NLRP10: variants seen among roughly 807,000 people sequenced by gnomAD.
The protein encoded by NLRP10 is NLR family pyrin domain containing 10, also known as NACHT, LRR and PYD domains-containing protein 10.
A neutral mutation model predicts 8.2 loss-of-function variants in NLRP10; 7 were observed. The ratio of observed to expected loss-of-function variants is 0.85; its 90% CI spans 0.48 to 1.60. NLRP10 has a LOEUF of 1.60. Among genes scored for constraint, NLRP10 ranks in the 40% most tolerant of loss-of-function variants. The pLI is 0.00. For synonymous variants in NLRP10, 338 were observed against 314.0 expected, an observed-to-expected ratio of 1.08 and a Z score of -0.81; for missense variants, 814 against 776.3, an observed-to-expected ratio of 1.05 and a Z score of -0.58.
intron 1 of NLRP10, among the ~76,000 whole-genome samples, chr11:7,964,475 G>T (rs1278265914): frequency 6.6e-6 from 1 of 152,214 alleles, no homozygotes; most frequent in Non-Finnish European, 1.5e-5. Flanking sequence ...CTGACTTTGT[G>T]CCAGGTGATT....
At position 7,958,148 on chromosome 11, in the gene NLRP10, T is replaced by A. The variant is rs1941651080; in HGVS notation, c.*1496A>T. On this transcript the variant is annotated 3_prime_UTR_variant, in exon 3 of 3. Coordinates refer to ENST00000691676, the MANE Select transcript of NLRP10 (RefSeq NM_001391958.1). ...AGGACATCTTGGTTGCTTCCAAATT[T>A]GGGCAATTACGAATAAAGCTGCTAT... Among the ~76,000 whole-genome samples, 1 of 152,204 alleles carries A rather than the reference T, an allele frequency of 6.6e-6. No individual in the cohort carries two copies. Among genetic ancestry groups the A allele is most frequent in the Non-Finnish European group, 1.5e-5 (1 of 68,028 alleles).
intron 1 of NLRP10, among the ~76,000 whole-genome samples, chr11:7,964,177 T>G (rs11041691): frequency 1.1e-3 from 174 of 152,274 alleles, no homozygotes; most frequent in Admixed American, 5.6e-3. Context: ...CCGCCTTGGC[T>G]TCCCAAAGTG....
At chr11:7,962,080 C>G (rs768082884) in intron 2 of NLRP10, among the ~76,000 whole-genome samples, 5 of 152,132 alleles carry the variant, frequency 3.3e-5, no homozygotes, top group Non-Finnish European at 7.4e-5. Context: ...TAACTGAAAG[C>G]TGCCTGAGGC....
rs1383879843 is a variant in NLRP10 at position 7,960,562 on chromosome 11, C to T, written c.1050G>A (p.Ala350=). 6 of 1,614,088 alleles carry T rather than the reference C, an allele frequency of 3.7e-6. No homozygotes were observed. Among genetic ancestry groups the T allele is most frequent in the East Asian group, 2.2e-5 (1 of 44,898 alleles). ...IVQKNDILYK[A]CQVPGICWVV... ...CCCAGCAAATGCCTGGAACCTGACA[C>T]GCTTTGTAGAGAATGTCATTTTTCT... The change falls in exon 3 of 3, where the codon GCG becomes GCA. Residue 350 remains alanine (A), a synonymous_variant. Transcript: ENST00000691676.
chr11:7,961,338 G>T lies in NLRP10; in HGVS notation c.290-16C>A. On this transcript the variant is annotated splice_polypyrimidine_tract_variant and intron_variant, in intron 2 of 2. Transcript: ENST00000691676. ...TCTCTGTAATCTGAGCCAAACAAAT[G>T]GGATGTTAGGTAGTGAAATGGGAAT... 1 of 1,495,924 alleles carries T rather than the reference G, an allele frequency of 6.7e-7. No homozygotes were observed. The highest frequency in any genetic ancestry group is 9.0e-7 in the Non-Finnish European group (1 of 1,106,604). 92.7% of individuals were successfully genotyped at this position (1,495,924 alleles called of 1,614,324 possible).
intron 2 of NLRP10, among the ~76,000 whole-genome samples, chr11:7,961,988 T>TA (rs75246999): frequency 0.37 from 55,652 of 151,760 alleles, 10,421 homozygotes; most frequent in African/African-American, 0.42. Flanking sequence ...GCTGGTTGTT[T>TA]AAAGAGCCTG....
At position 7,960,866 on chromosome 11, in the gene NLRP10, T is replaced by C; in HGVS notation, c.746A>G (p.Asp249Gly). 6.2e-7 allele frequency: 1 copy of C among 1,614,060 alleles called. No homozygotes were observed. The highest frequency in any genetic ancestry group is 8.5e-7 in the Non-Finnish European group (1 of 1,180,018). The change falls in exon 3 of 3, where the codon GAT becomes GGT. Residue 249 changes from aspartate (D) to glycine (G), a missense_variant. By Grantham distance (94) the Asp-to-Gly change is moderately conservative (BLOSUM62 -1). Coordinates refer to ENST00000691676, the MANE Select transcript of NLRP10 (RefSeq NM_001391958.1). ...GGGCCTCTGCAGCTCATCAAAGCCA[T>C]CCAGGATGAACAGGAGCCGCTCTGG... is the stretch of plus-strand genomic sequence containing the variant. ...RQPERLLFIL[D>G]GFDELQRPFE...
At chr11:7,964,494 C>T (rs1027811605) in intron 1 of NLRP10, among the ~76,000 whole-genome samples, 1 of 152,188 alleles carries the variant, frequency 6.6e-6, no homozygotes, top group Non-Finnish European at 1.5e-5. Context: ...TTTACATATC[C>T]TTTTTGATCA....
At position 7,960,079 on chromosome 11, in the gene NLRP10, G is replaced by A. The variant is rs1316378399; in HGVS notation, c.1533C>T (p.Thr511=). The A allele has an allele frequency of 1.9e-6, 3 of 1,613,916 alleles. No homozygotes were observed. Among genetic ancestry groups the A allele is most frequent in the Non-Finnish European group, 8.5e-7 (1 of 1,179,986 alleles). Residue 511 remains threonine (T), a synonymous_variant, in exon 3 of 3, where the codon ACC becomes ACT. Transcript: ENST00000691676. ...VKEQEGNDEM[T]LTMQFLLDIS... ...TGTCCAGTAAAAACTGCATAGTGAG[G>A]GTCATCTCATCATTCCCTTCCTGCT... is the stretch of plus-strand genomic sequence containing the variant.
chr11:7,963,498 T>C lies in NLRP10; in HGVS notation c.-3A>G, dbSNP rs1170972553. The C allele has an allele frequency of 6.2e-7, 1 of 1,607,482 alleles. No homozygotes were observed. Among genetic ancestry groups the C allele is most frequent in the Non-Finnish European group, 8.5e-7 (1 of 1,176,284 alleles). On this transcript the variant is annotated 5_prime_UTR_variant, in exon 2 of 3. Transcript: ENST00000691676. ...TTTCTGGCCTTGGCCATGGCCATGG[T>C]GATCTGGGGGAAGGATCAAGTCCAG...
rs72847404 is a variant in NLRP10, at chr11:7,957,564, T to C, written c.*2080A>G. On this transcript the variant is annotated 3_prime_UTR_variant, in exon 3 of 3. Coordinates refer to ENST00000691676, the MANE Select transcript of NLRP10 (RefSeq NM_001391958.1). ...TATTAAATATGCACAGTTTATTGTA[T>C]TAAACTAATTATACTTCAATAAAAC... Among the ~76,000 whole-genome samples the C allele has an allele frequency of 7.3e-3, 1,117 of 152,284 alleles. 23 individuals are homozygous for C. In the South Asian group the frequency reaches 0.078, roughly 11 times the overall value.
chr11:7,963,185 C>T (rs1193502066), intron 2 of NLRP10, 22 bp downstream of exon 2: 50 of 1,607,024 alleles, frequency 3.1e-5, no homozygotes, highest in Non-Finnish European at 4.3e-5. Context: ...CCTGCCCTCC[C>T]CTTCCCCCGC....
chr11:7,963,583 C>A (rs972982963), intron 1 of NLRP10, 43 bp from the exon 2 acceptor site: 3 of 1,261,228 alleles, frequency 2.4e-6, no homozygotes, highest in Non-Finnish European at 3.3e-6. Flanking sequence ...CTGAGAGGCC[C>A]ACCCTGCTTT....
chr11:7,963,228 G>A lies in NLRP10; in HGVS notation c.268C>T (p.Leu90Phe). The change falls in exon 2 of 3, where the codon CTC becomes TTC. Residue 90 changes from leucine (L) to phenylalanine (F), a missense_variant. Coordinates refer to ENST00000691676, the MANE Select transcript of NLRP10 (RefSeq NM_001391958.1). ...TCACCATGCAGACAAATATGGCTGA[G>A]CTGGTCCACAAGTTCCAACAGGTTC... ...VMNLLELVDQ[L>F]SHICLHDYRE... is the part of the protein sequence containing the mutation. The A allele has an allele frequency of 6.2e-7, 1 of 1,614,160 alleles. No individual in the cohort carries two copies. The highest frequency in any genetic ancestry group is 1.1e-5 in the South Asian group (1 of 91,082).
At chr11:7,961,527 G>A (rs1360855061) in intron 2 of NLRP10, among the ~76,000 whole-genome samples, 1 of 152,196 alleles carries the variant, frequency 6.6e-6, no homozygotes, top group Non-Finnish European at 1.5e-5. Context: ...ATGCACATCT[G>A]TATGAGTGTG....
rs1462975113 is a variant in NLRP10 at position 7,958,073 on chromosome 11, C to T, written c.*1571G>A. On this transcript the variant is annotated 3_prime_UTR_variant, in exon 3 of 3. Transcript: ENST00000691676. ...GCTCATTTATTTTTATCACTGAATA[C>T]TATTACATTATGTGGATGTATCACA... Among the ~76,000 whole-genome samples the T allele has an allele frequency of 2.0e-5, 3 of 152,144 alleles. No individual in the cohort carries two copies. Among genetic ancestry groups the T allele is most frequent in the Non-Finnish European group, 4.4e-5 (3 of 68,030 alleles).
chr11:7,960,150 C>G lies in NLRP10; in HGVS notation c.1462G>C (p.Gly488Arg). Residue 488 changes from glycine to arginine, a missense_variant, in exon 3 of 3, where the codon GGG (glycine) becomes CGG (arginine). By Grantham distance (125) the Gly-to-Arg change is moderately radical. Transcript: ENST00000691676. ...TGCACTTCTCTGCGGGACTCCTTCC[C>G]CAGCCGGCTTTGGTCCTCTTTCACC... is the stretch of plus-strand genomic sequence containing the variant. Reference protein sequence around the residue: ...YLVKEDQSRLGKESRREVQRL... With the variant: ...YLVKEDQSRLRKESRREVQRL... 1 of 1,614,164 alleles carries G rather than the reference C, an allele frequency of 6.2e-7. No individual in the cohort carries two copies. The highest frequency in any genetic ancestry group is 8.5e-7 in the Non-Finnish European group (1 of 1,180,010).
In NLRP10 at chr11:7,959,479, C is replaced by T; in HGVS notation, c.*165G>A. 2 of 515,456 alleles carry T rather than the reference C, an allele frequency of 3.9e-6. No individual in the cohort carries two copies. Among genetic ancestry groups the T allele is most frequent in the Non-Finnish European group, 6.7e-6 (2 of 296,888 alleles). The allele number at this position is 515,456 out of a possible 1,614,324, so 31.9% of individuals were successfully genotyped here. On this transcript the variant is annotated 3_prime_UTR_variant, in exon 3 of 3. Transcript: ENST00000691676. The stretch of plus-strand genomic sequence containing the variant: ...TTTGCTGGGATCTTGATTGGGATTG[C>T]ATTGAATCTACAGATCAAACTGGGG...
Position 7,959,734 on chromosome 11 carries a change from C to G in NLRP10, c.1878G>C (p.Glu626Asp). 1 of 1,612,700 alleles carries G rather than the reference C, an allele frequency of 6.2e-7. No homozygotes were observed. Among genetic ancestry groups the G allele is most frequent in the South Asian group, 1.1e-5 (1 of 90,734 alleles). The change falls in exon 3 of 3, where the codon GAG becomes GAC. Residue 626 changes from glutamate to aspartate, a missense_variant. Glu to Asp is a conservative substitution (Grantham distance 45). Coordinates refer to ENST00000691676, the MANE Select transcript of NLRP10 (RefSeq NM_001391958.1). Reference protein sequence around the residue: ...QKCPSVHGQKEGKDNIAGTQK... With the variant: ...QKCPSVHGQKDGKDNIAGTQK... Reference sequence around the variant, plus strand: ...GTGTTCCTGCTATATTATCTTTGCCCTCCTTCTGTCCATGGACAGAAGGAC... The same window carrying G: ...GTGTTCCTGCTATATTATCTTTGCCGTCCTTCTGTCCATGGACAGAAGGAC...
Sources: allele counts gnomAD v4.1 joint callset (sites outside exome capture counted in the v4.1 genomes callset), GRCh38; gene constraint gnomAD v4.1.1; transcripts MANE v1.5; gene names NCBI Gene and HGNC (gene_info 2026-07-23, HGNC 2026-07-21).